PDGFD: variants seen among roughly 807,000 people sequenced by gnomAD.
PDGFD encodes the protein platelet-derived growth factor D.
A neutral mutation model predicts 44.7 loss-of-function variants in PDGFD; 30 were observed. The ratio of observed to expected loss-of-function variants is 0.67; its 90% CI spans 0.50 to 0.91. The LOEUF (loss-of-function observed/expected upper bound fraction) is 0.91. Ranked by LOEUF, PDGFD falls within the 40% of genes least tolerant of loss-of-function variation. The pLI, the probability that PDGFD is intolerant of heterozygous loss-of-function variation, is 0.00. For missense variants in PDGFD, 445 were observed against 457.8 expected (o/e 0.97, Z 0.25); for synonymous variants, 173 against 168.4 (o/e 1.03, Z -0.21).
At chr11:104,064,858 C>A (rs1565324994) in intron 1 of PDGFD, among the ~76,000 whole-genome samples, 1 of 152,144 alleles carries the variant, frequency 6.6e-6, no homozygotes, top group African/African-American at 2.4e-5. Flanking sequence ...AATACAGTCA[C>A]CAGACTACTG....
chr11:104,150,784 T>C (rs1045374824), intron 1 of PDGFD, among the ~76,000 whole-genome samples: 5 of 152,164 alleles, frequency 3.3e-5, no homozygotes, highest in South Asian at 4.1e-4. Flanking sequence ...ATCTCTCTTA[T>C]AAGGACACTT....
chr11:104,042,250 A>G, intron 1 of PDGFD, among the ~76,000 whole-genome samples: 1 of 152,378 alleles, frequency 6.6e-6, no homozygotes, highest in African/African-American at 2.4e-5. Flanking sequence ...CTGGCAAATT[A>G]TCTAAAAATA....
At chr11:104,034,213 T>C (rs260796) in intron 1 of PDGFD, among the ~76,000 whole-genome samples, 72,028 of 151,930 alleles carry the variant, frequency 0.47, 17,306 homozygotes, top group Admixed American at 0.59. Flanking sequence ...TTTTTTACCC[T>C]TCAATTTGTG....
intron 1 of PDGFD, among the ~76,000 whole-genome samples, chr11:104,156,052 A>G (rs1862302737): frequency 6.6e-6 from 1 of 152,240 alleles, no homozygotes; most frequent in African/African-American, 2.4e-5. Context: ...AGATTTTAAG[A>G]GTTATCATCA....
intron 1 of PDGFD, chr11:104,037,418 G>A: frequency 6.2e-7 from 1 of 1,614,082 alleles, no homozygotes; most frequent in South Asian, 1.1e-5. Context: ...GAGAGGCTTC[G>A]TCTCTACACA....
intron 3 of PDGFD, among the ~76,000 whole-genome samples, chr11:103,963,023 T>G (rs1858962844): frequency 6.6e-6 from 1 of 152,198 alleles, no homozygotes; most frequent in South Asian, 2.1e-4. Context: ...TACCAATTAC[T>G]TAATTTCTCT....
intron 3 of PDGFD, among the ~76,000 whole-genome samples, chr11:103,969,995 G>C (rs1370263752): frequency 6.6e-6 from 1 of 152,032 alleles, no homozygotes; most frequent in East Asian, 1.9e-4. Flanking sequence ...GAAAGACACA[G>C]AGATGTCTGT....
At chr11:104,076,445 TG>T (rs1203721493) in intron 1 of PDGFD, among the ~76,000 whole-genome samples, 1 of 152,226 alleles carries the variant, frequency 6.6e-6, no homozygotes, top group African/African-American at 2.4e-5. Context: ...CTACACTTGT[TG>T]CAGGGGCAGG....
At chr11:104,086,706 G>T (rs893752341) in intron 1 of PDGFD, among the ~76,000 whole-genome samples, 6 of 152,054 alleles carry the variant, frequency 3.9e-5, no homozygotes, top group Admixed American at 2.6e-4. Flanking sequence ...TTTTTCCCAG[G>T]TCCTCATCTT....
chr11:104,095,591 G>A (rs74385865), intron 1 of PDGFD, among the ~76,000 whole-genome samples: 4,254 of 134,700 alleles, frequency 0.032, 189 homozygotes, highest in African/African-American at 0.11. Flanking sequence ...AAGAAAATGA[G>A]AGAAGAAGAA....
At chr11:103,969,863 T>G (rs1859077626) in intron 3 of PDGFD, among the ~76,000 whole-genome samples, 1 of 152,008 alleles carries the variant, frequency 6.6e-6, no homozygotes, top group Non-Finnish European at 1.5e-5. Flanking sequence ...ATACTAAAAT[T>G]TTTGTGAGAA....
intron 1 of PDGFD, among the ~76,000 whole-genome samples, chr11:104,061,808 A>G (rs917224726): frequency 1.1e-4 from 17 of 152,150 alleles, no homozygotes; most frequent in African/African-American, 3.6e-4. Flanking sequence ...GGGCTTGGCC[A>G]TGTTGGCTAA....
intron 6 of PDGFD, among the ~76,000 whole-genome samples, chr11:103,910,752 C>A (rs565864274): frequency 1.4e-3 from 97 of 69,212 alleles, no homozygotes; most frequent in African/African-American, 5.3e-3. Flanking sequence ...CAAGACAGAA[C>A]CATTCACTCC....
At chr11:103,993,883 A>T (rs1416964556) in intron 3 of PDGFD, among the ~76,000 whole-genome samples, 3 of 152,248 alleles carry the variant, frequency 2.0e-5, no homozygotes, top group Non-Finnish European at 2.9e-5. Flanking sequence ...ACAGACCAAC[A>T]GACCAGTAGA....
At chr11:103,913,299 G>A (rs867451264) in intron 6 of PDGFD, among the ~76,000 whole-genome samples, 5 of 152,128 alleles carry the variant, frequency 3.3e-5, no homozygotes, top group South Asian at 4.1e-4. Context: ...CTAACAAACA[G>A]TCTCTCAGAC....
At chr11:103,936,713 C>A (rs938207083) in intron 5 of PDGFD, among the ~76,000 whole-genome samples, 4 of 152,064 alleles carry the variant, frequency 2.6e-5, no homozygotes, top group Admixed American at 2.0e-4. Flanking sequence ...TAACATCTAA[C>A]CATTTAGAGT....
intron 1 of PDGFD, among the ~76,000 whole-genome samples, chr11:104,072,670 G>C (rs1353121701): frequency 6.6e-6 from 1 of 151,906 alleles, no homozygotes; most frequent in African/African-American, 2.4e-5. Flanking sequence ...AATATTTCTA[G>C]TATTTCCCCA....
At chr11:104,113,757 G>A (rs1260182650) in intron 1 of PDGFD, among the ~76,000 whole-genome samples, 1 of 151,956 alleles carries the variant, frequency 6.6e-6, no homozygotes, top group Non-Finnish European at 1.5e-5. Context: ...AGTTCCTGTT[G>A]CTCCACATTC....
chr11:104,138,159 A>C (rs989854277), intron 1 of PDGFD, among the ~76,000 whole-genome samples: 2 of 152,252 alleles, frequency 1.3e-5, no homozygotes, highest in African/African-American at 4.8e-5. Context: ...ATGTGCTGTA[A>C]TAATTCTATG....
Sources: allele counts gnomAD v4.1 joint callset (sites outside exome capture counted in the v4.1 genomes callset), GRCh38; gene constraint gnomAD v4.1.1; transcripts MANE v1.5; gene names NCBI Gene and HGNC (gene_info 2026-07-23, HGNC 2026-07-21).